DCDC1: variants seen among roughly 807,000 people sequenced by gnomAD.
DCDC1 encodes doublecortin domain containing 1, also known as doublecortin domain-containing protein 1.
DCDC1 carries 200 observed loss-of-function variants against 178.3 expected under a neutral mutation model. That is an observed-to-expected ratio of 1.12 (90% CI 1.00 to 1.26). DCDC1 has a LOEUF of 1.26. Ranked by LOEUF, DCDC1 falls within the 50% of genes most tolerant of loss-of-function variation. The pLI is 0.00. For missense variants in DCDC1, 1,983 were observed against 1,749.2 expected (o/e 1.13, Z -2.38); for synonymous variants, 690 against 604.8 (o/e 1.14, Z -2.07).
chr11:31,211,863 A>G (rs989372453), intron 9 of DCDC1, among the ~76,000 whole-genome samples: 7 of 152,148 alleles, frequency 4.6e-5, no homozygotes, highest in Admixed American at 2.6e-4. Flanking sequence ...CAGGTGGATC[A>G]CGAGGTCAGG....
At chr11:31,214,424 A>T (rs994717798) in intron 9 of DCDC1, among the ~76,000 whole-genome samples, 5 of 151,712 alleles carry the variant, frequency 3.3e-5, no homozygotes, top group Admixed American at 6.6e-5. Flanking sequence ...TTTGATTTTA[A>T]TTTTTTTTTA....
chr11:30,881,958 G>A (rs1942721330), intron 36 of DCDC1: 1 of 153,680 alleles, frequency 6.5e-6, no homozygotes. Flanking sequence ...CCAGACCCTT[G>A]AAGGCAATTC....
chr11:31,359,540 T>C (rs2209176), intron 1 of DCDC1, among the ~76,000 whole-genome samples: 56,769 of 149,970 alleles, frequency 0.38, 10,683 homozygotes, highest in African/African-American at 0.45. Flanking sequence ...CATATGTAAC[T>C]AACCTGCACA....
chr11:31,297,140 G>A (rs1296935584), intron 6 of DCDC1, among the ~76,000 whole-genome samples: 1 of 152,096 alleles, frequency 6.6e-6, no homozygotes, highest in Non-Finnish European at 1.5e-5. Flanking sequence ...ACTCTTCCAT[G>A]CCAACACAGA....
At chr11:31,293,326 G>A (rs1211229020) in intron 6 of DCDC1, among the ~76,000 whole-genome samples, 3 of 152,110 alleles carry the variant, frequency 2.0e-5, no homozygotes, top group African/African-American at 7.2e-5. Context: ...AGAAGCAACC[G>A]AAGGACAGTT....
At chr11:31,170,815 T>A (rs1967114402) in intron 9 of DCDC1, among the ~76,000 whole-genome samples, 1 of 152,034 alleles carries the variant, frequency 6.6e-6, no homozygotes. Context: ...TCAGCTTTTT[T>A]ATTTTATTTT....
intron 36 of DCDC1, among the ~76,000 whole-genome samples, chr11:30,886,943 G>A (rs1373134283): frequency 6.6e-6 from 1 of 151,762 alleles, no homozygotes; most frequent in South Asian, 2.1e-4. Context: ...TAGAGATCAT[G>A]TTTTCTACTT....
intron 7 of DCDC1, among the ~76,000 whole-genome samples, chr11:31,278,967 G>T (rs2137255192): frequency 6.6e-6 from 1 of 152,060 alleles, no homozygotes; most frequent in African/African-American, 2.4e-5. Flanking sequence ...GAAATATCTT[G>T]CCAATTTATG....
intron 20 of DCDC1, among the ~76,000 whole-genome samples, chr11:30,954,002 A>ATTT (rs1310034480): frequency 2.8e-5 from 4 of 141,330 alleles, no homozygotes; most frequent in African/African-American, 8.3e-5. Flanking sequence ...AAATACAACA[A>ATTT]TTCTTTTTTT....
chr11:31,139,626 A>G (rs1258831930), intron 9 of DCDC1, among the ~76,000 whole-genome samples: 6 of 152,238 alleles, frequency 3.9e-5, no homozygotes, highest in Admixed American at 2.0e-4. Context: ...AAACAGAGCC[A>G]TGAAACTCTT....
At chr11:31,139,757 TG>T (rs1963591279) in intron 9 of DCDC1, among the ~76,000 whole-genome samples, 1 of 150,974 alleles carries the variant, frequency 6.6e-6, no homozygotes. Context: ...GCACCACAGT[TG>T]GAAAAAAAAA....
intron 1 of DCDC1, among the ~76,000 whole-genome samples, chr11:31,345,556 T>A (rs916244435): frequency 2.0e-5 from 3 of 151,410 alleles, no homozygotes; most frequent in Non-Finnish European, 4.4e-5. Flanking sequence ...TAAAGGTAAT[T>A]CCACTGGCCA....
intron 12 of DCDC1, among the ~76,000 whole-genome samples, chr11:31,107,744 T>C (rs1406878514): frequency 6.6e-6 from 1 of 152,198 alleles, no homozygotes; most frequent in African/African-American, 2.4e-5. Context: ...TTATCCTCTG[T>C]CACCTTTGTT....
intron 9 of DCDC1, among the ~76,000 whole-genome samples, chr11:31,165,322 G>A (rs1326424107): frequency 6.6e-6 from 1 of 151,782 alleles, no homozygotes; most frequent in Admixed American, 6.6e-5. Flanking sequence ...CTTTTTATAT[G>A]TTTGAAAGCC....
chr11:30,879,876 T>C (rs1467123431), intron 37 of DCDC1, among the ~76,000 whole-genome samples: 5 of 152,070 alleles, frequency 3.3e-5, no homozygotes, highest in Non-Finnish European at 7.4e-5. Context: ...ACGGACACAA[T>C]ACTGCAAGAA....
chr11:31,350,428 C>T (rs1402708626), intron 1 of DCDC1, among the ~76,000 whole-genome samples: 1 of 151,920 alleles, frequency 6.6e-6, no homozygotes, highest in Non-Finnish European at 1.5e-5. Flanking sequence ...ATGTTAAGCT[C>T]CTAGATATTT....
Position 31,094,174 on chromosome 11 carries a change from T to C in DCDC1, c.1994A>G (p.Asn665Ser), listed in dbSNP as rs1375107886. 1.3e-6 allele frequency: 1 copy of C among 766,182 alleles called. No individual in the cohort carries two copies. Among genetic ancestry groups the C allele is most frequent in the East Asian group, 2.4e-5 (1 of 41,204 alleles). 47.5% of individuals were successfully genotyped at this position (766,182 alleles called of 1,614,324 possible). The change falls in exon 16 of 39, where the codon AAT (asparagine) becomes AGT (serine). Residue 665 changes from asparagine (N) to serine (S), a missense_variant. Coordinates refer to ENST00000684477, the MANE Select transcript of DCDC1 (RefSeq NM_001387274.1). ...GGAAACAGAGGCATGAAGGACAATA[T>C]TGGGATCTACCTGTATCATAAGAAG... ...NHFLQNKVDPNIVLHASVSIG... is the reference protein window; with the variant it reads ...NHFLQNKVDPSIVLHASVSIG...
intron 20 of DCDC1, among the ~76,000 whole-genome samples, chr11:30,967,694 T>A (rs1355195327): frequency 6.6e-6 from 1 of 152,142 alleles, no homozygotes; most frequent in Non-Finnish European, 1.5e-5. Context: ...TTAGAACTTA[T>A]AAGGAAGTGA....
intron 1 of DCDC1, among the ~76,000 whole-genome samples, chr11:31,362,633 C>G (rs1032189653): frequency 6.6e-6 from 1 of 151,986 alleles, no homozygotes; most frequent in Non-Finnish European, 1.5e-5. Context: ...ATCTATCACA[C>G]CAAAAAACTC....
Sources: gnomAD v4.1 joint callset for allele counts (sites outside exome capture counted in the v4.1 genomes callset) on GRCh38, gnomAD v4.1.1 for gene constraint, MANE v1.5 for transcripts, NCBI Gene and HGNC (gene_info 2026-07-23, HGNC 2026-07-21) for gene names.